Variants in ZDHHC8 observed in about 807,000 individuals in gnomAD.
ZDHHC8 encodes zDHHC palmitoyltransferase 8.
In ZDHHC8, 24 loss-of-function variants were observed where a neutral mutation model predicts 61.2. That is an observed-to-expected ratio of 0.39 (90% CI 0.28 to 0.55). The LOEUF is 0.55. Among genes scored for constraint, ZDHHC8 ranks in the 20% least tolerant of loss-of-function variants. ZDHHC8 has a pLI of 0.60. For synonymous variants in ZDHHC8, 523 were observed against 492.5 expected, an observed-to-expected ratio of 1.06 and a Z score of -0.82; for missense variants, 935 against 1,102.1, an observed-to-expected ratio of 0.85 and a Z score of 2.15.
At chr22:20,134,404 A>G (rs1200976528) in intron 1 of ZDHHC8, among the ~76,000 whole-genome samples, 2 of 152,158 alleles carry the variant, frequency 1.3e-5, no homozygotes, top group Non-Finnish European at 2.9e-5. Flanking sequence ...GATGCCACCC[A>G]TAGCAGCTGT....
At position 20,145,855 on chromosome 22, in the gene ZDHHC8, G is replaced by A. The variant is rs116408456; in HGVS notation, c.*455G>A. 1,353 of 986,570 alleles carry A rather than the reference G, an allele frequency of 1.4e-3. 13 individuals are homozygous for A. The African/African-American group carries it at 0.021, about 15-fold the overall frequency. 61.1% of individuals were successfully genotyped at this position (986,570 alleles called of 1,614,324 possible). A position where few individuals can be genotyped will look rare whatever the true frequency, so the allele number is the denominator to read the frequency against. On this transcript the variant is annotated 3_prime_UTR_variant, in exon 11 of 11. Coordinates refer to ENST00000334554, the MANE Select transcript of ZDHHC8 (RefSeq NM_013373.4). ...GACACAGCCTGTGGGCTCCCGGACC[G>A]AGTGTCCCCCGCCAGGCTACTCCTA...
At chr22:20,141,954 G>A (rs1436478620) in intron 9 of ZDHHC8, among the ~76,000 whole-genome samples, 3 of 152,246 alleles carry the variant, frequency 2.0e-5, no homozygotes, top group Admixed American at 2.0e-4. Context: ...GCTTGAGAAA[G>A]CACATTTCTC....
At position 20,140,993 on chromosome 22, in the gene ZDHHC8, C is replaced by T. The variant is rs756813143; in HGVS notation, c.875C>T (p.Ala292Val). 9 of 1,611,062 alleles carry T rather than the reference C, an allele frequency of 5.6e-6. No individual in the cohort carries two copies. Among genetic ancestry groups the T allele is most frequent in the Non-Finnish European group, 7.6e-6 (9 of 1,179,986 alleles). ...KVKLSDNGLK[A>V]GLGRSKSKGS... ...AAGCTTAGTGACAACGGGCTGAAGG[C>T]TGGCCTGGGCCGTAGCAAGGTGGGC... The change falls in exon 7 of 11, where the codon GCT (alanine) becomes GTT (valine). Residue 292 changes from alanine to valine, a missense_variant. Physicochemically the swap from Ala to Val is moderately conservative, Grantham distance 64. Coordinates refer to ENST00000334554, the MANE Select transcript of ZDHHC8 (RefSeq NM_013373.4).
At chr22:20,140,094 C>A in intron 4 of ZDHHC8, 21 bp from the exon 5 acceptor site, 2 of 1,612,854 alleles carry the variant, frequency 1.2e-6, no homozygotes, top group Non-Finnish European at 1.7e-6. Flanking sequence ...CTGGCCTGCA[C>A]CGTTGGCCTT....
In ZDHHC8 at chr22:20,146,543, G is replaced by A. The variant is rs1276018986; in HGVS notation, c.*1143G>A. On this transcript the variant is annotated 3_prime_UTR_variant, in exon 11 of 11. Transcript: ENST00000334554. ...CAGGGGCCGGGCCCCAGAAGAGGGAGTGGCTGCTGTCTGGTGTGCAGGGGT... is the reference window on the plus strand; with the variant it reads ...CAGGGGCCGGGCCCCAGAAGAGGGAATGGCTGCTGTCTGGTGTGCAGGGGT... 1.0e-6 allele frequency: 1 copy of A among 990,722 alleles called. No individual in the cohort carries two copies. Among genetic ancestry groups the A allele is most frequent in the African/African-American group, 1.7e-5 (1 of 57,482 alleles). The allele number at this position is 990,722 out of a possible 1,614,324, so 61.4% of individuals were successfully genotyped here.
In ZDHHC8 at chr22:20,141,344, T is replaced by C. The variant is rs764733971; in HGVS notation, c.1015+7T>C. On this transcript the variant is annotated splice_region_variant and intron_variant, in intron 8 of 10. Transcript: ENST00000334554. Reference sequence around the variant, plus strand: ...CCGCGCCCAGGCAGTGCTGGTGAGGTTGGGGCAGCCACGACTAGGGAGGGA... The same window carrying C: ...CCGCGCCCAGGCAGTGCTGGTGAGGCTGGGGCAGCCACGACTAGGGAGGGA... 2.5e-6 allele frequency: 4 copies of C among 1,611,770 alleles called. No homozygotes were observed. Among genetic ancestry groups the C allele is most frequent in the Non-Finnish European group, 3.4e-6 (4 of 1,179,248 alleles).
intron 10 of ZDHHC8, among the ~76,000 whole-genome samples, chr22:20,144,424 C>G (rs2050503567): frequency 6.6e-6 from 1 of 152,194 alleles, no homozygotes; most frequent in African/African-American, 2.4e-5. Context: ...GGGCCAGGAC[C>G]CACGCCACAG....
intron 10 of ZDHHC8, among the ~76,000 whole-genome samples, chr22:20,144,441 G>GGT (rs1352272187): frequency 6.6e-6 from 1 of 152,208 alleles, no homozygotes; most frequent in East Asian, 1.9e-4. Context: ...ACAGACGCAT[G>GGT]GTGTCCTCAC....
rs1410203564 is a variant in ZDHHC8, at chr22:20,143,419, C to T, written c.1789C>T (p.Pro597Ser). Residue 597 changes from proline (P) to serine (S), a missense_variant, in exon 10 of 11, where the codon CCC becomes TCC. Coordinates refer to ENST00000334554, the MANE Select transcript of ZDHHC8 (RefSeq NM_013373.4). ...GCAGGCCAGTGTGCTGTCCGAGGGC[C>T]CCCGAGGTCCCGCGCTGCGCTATGG... is the stretch of plus-strand genomic sequence containing the variant. Reference protein sequence around the residue: ...LQQASVLSEGPRGPALRYGSR... With the variant: ...LQQASVLSEGSRGPALRYGSR... 1.3e-6 allele frequency: 2 copies of T among 1,595,788 alleles called. No individual in the cohort carries two copies. Among genetic ancestry groups the T allele is most frequent in the South Asian group, 1.1e-5 (1 of 90,000 alleles).
Position 20,141,428 on chromosome 22 carries a change from C to A in ZDHHC8, c.1023C>A (p.Ala341=). The A allele has an allele frequency of 1.2e-6, 2 of 1,613,156 alleles. No individual in the cohort carries two copies. Among genetic ancestry groups the A allele is most frequent in the Non-Finnish European group, 1.7e-6 (2 of 1,179,852 alleles). The change falls in exon 9 of 11, where the codon GCC becomes GCA. Residue 341 remains alanine, a synonymous_variant. Transcript: ENST00000334554. ...QTPRPGSAES[A]LSVQRTSPPT... is the part of the protein sequence containing the mutation. The stretch of plus-strand genomic sequence containing the variant: ...AGTGGTCTGCATCCCCAGAGAGTGC[C>A]CTGTCGGTGCAGAGGACCAGCCCCC...
chr22:20,138,004 G>T (rs1568992007), intron 1 of ZDHHC8, among the ~76,000 whole-genome samples: 1 of 152,258 alleles, frequency 6.6e-6, no homozygotes, highest in African/African-American at 2.4e-5. Context: ...CGTGGGAAGC[G>T]GAGTCTTTAA....
Position 20,132,083 on chromosome 22 carries a change from G to A in ZDHHC8, c.104+32G>A, listed in dbSNP as rs530268085. On this transcript the variant is annotated intron_variant, in intron 1 of 10. Coordinates refer to ENST00000334554, the MANE Select transcript of ZDHHC8 (RefSeq NM_013373.4). Reference sequence around the variant, plus strand: ...CGGCGCCGCGTCTGGGGGCACGCGGGCAGCGATGGGCAGGGCCCGCACAGC... The same window carrying A: ...CGGCGCCGCGTCTGGGGGCACGCGGACAGCGATGGGCAGGGCCCGCACAGC... The A allele has an allele frequency of 4.4e-5, 53 of 1,213,882 alleles. No homozygotes were observed. In the East Asian group the frequency reaches 2.0e-3, roughly 46 times the overall value. The allele number at this position is 1,213,882 out of a possible 1,614,324, so 75.2% of individuals were successfully genotyped here.
rs148553691 is a variant in ZDHHC8, at chr22:20,139,479, G to A, written c.228G>A (p.Ala76=). ...CACTGCCTGGCTCCTGGTCTGTAGC[G>A]GATGAGGATGAGGACAAGGAGGACG... ...TFMDPGVFPR[A]DEDEDKEDDF... is the part of the protein sequence containing the mutation. Residue 76 remains alanine, a splice_region_variant and synonymous_variant, in exon 3 of 11, where the codon GCG becomes GCA. Coordinates refer to ENST00000334554, the MANE Select transcript of ZDHHC8 (RefSeq NM_013373.4). The A allele has an allele frequency of 9.7e-5, 157 of 1,613,490 alleles. No homozygotes were observed. Among genetic ancestry groups the A allele is most frequent in the Non-Finnish European group, 1.2e-4 (138 of 1,179,918 alleles).
chr22:20,143,299 G>C lies in ZDHHC8; in HGVS notation c.1669G>C (p.Asp557His), dbSNP rs780071883. Residue 557 changes from aspartate (D) to histidine (H), a missense_variant, in exon 10 of 11, where the codon GAC becomes CAC. Coordinates refer to ENST00000334554, the MANE Select transcript of ZDHHC8 (RefSeq NM_013373.4). ...TIMASIQERK[D>H]REERERLLRS... is the part of the protein sequence containing the mutation. ...CATGGCATCCATCCAGGAGCGCAAG[G>C]ACAGGGAGGAGCGTGAGCGCCTGCT... is the stretch of plus-strand genomic sequence containing the variant. The C allele has an allele frequency of 3.1e-6, 5 of 1,603,850 alleles. No individual in the cohort carries two copies. The South Asian group carries it at 5.5e-5, about 18-fold the overall frequency.
At chr22:20,132,449 G>A (rs1255446117) in intron 1 of ZDHHC8, among the ~76,000 whole-genome samples, 2 of 152,228 alleles carry the variant, frequency 1.3e-5, no homozygotes, top group African/African-American at 4.8e-5. Context: ...GCAGGTGGCC[G>A]TGGGTGCCTC....
At position 20,146,885 on chromosome 22, in the gene ZDHHC8, G is replaced by A. The variant is rs1791580616; in HGVS notation, c.*1485G>A. On this transcript the variant is annotated 3_prime_UTR_variant, in exon 11 of 11. Coordinates refer to ENST00000334554, the MANE Select transcript of ZDHHC8 (RefSeq NM_013373.4). ...ATGCCAGGGGCAGGGCTGAGGGAGT[G>A]TGAGGGATGCACAGCTGTTCAGGGC... is the stretch of plus-strand genomic sequence containing the variant. 7.7e-6 allele frequency: 10 copies of A among 1,290,828 alleles called. No homozygotes were observed. Among genetic ancestry groups the A allele is most frequent in the Admixed American group, 8.2e-5 (2 of 24,248 alleles). 80.0% of individuals were successfully genotyped at this position (1,290,828 alleles called of 1,614,324 possible). A position where few individuals can be genotyped will look rare whatever the true frequency, so the allele number is the denominator to read the frequency against.
chr22:20,142,663 G>A, intron 9 of ZDHHC8, 93 bp from the exon 10 acceptor site: 2 of 1,529,808 alleles, frequency 1.3e-6, no homozygotes, highest in Non-Finnish European at 8.9e-7. Flanking sequence ...AGTTCCTGAG[G>A]CCACGGTGCC....
At chr22:20,138,442 A>G (rs909895085) in intron 1 of ZDHHC8, among the ~76,000 whole-genome samples, 1 of 152,124 alleles carries the variant, frequency 6.6e-6, no homozygotes, top group African/African-American at 2.4e-5. Context: ...CAGGCCCGTT[A>G]AGGGCTGAGG....
chr22:20,138,438 C>T (rs916016291), intron 1 of ZDHHC8, among the ~76,000 whole-genome samples: 2 of 152,200 alleles, frequency 1.3e-5, no homozygotes, highest in Non-Finnish European at 2.9e-5. Flanking sequence ...GGGCCAGGCC[C>T]GTTAAGGGCT....
Sources: gnomAD v4.1 joint callset for allele counts (sites outside exome capture counted in the v4.1 genomes callset) on GRCh38, gnomAD v4.1.1 for gene constraint, MANE v1.5 for transcripts, NCBI Gene and HGNC (gene_info 2026-07-23, HGNC 2026-07-21) for gene names.